The following MTSS1 variants were observed in gnomAD, a reference collection of about 807,000 sequenced individuals.
The protein encoded by MTSS1 is MTSS I-BAR domain containing 1.
Under a neutral mutation model 79.0 loss-of-function variants are expected in MTSS1, and 18 were observed. The ratio of observed to expected loss-of-function variants is 0.23; its 90% CI spans 0.16 to 0.34. The LOEUF (loss-of-function observed/expected upper bound fraction) is 0.34, where lower values mean the gene tolerates loss of function less well. Among genes scored for constraint, MTSS1 ranks in the 10% least tolerant of loss-of-function variants. The pLI is 1.00. For synonymous variants in MTSS1, 341 were observed against 368.6 expected (o/e 0.93, Z 0.86); for missense variants, 815 against 986.2 (o/e 0.83, Z 2.33).
At chr8:124,674,215 G>A (rs1161908170) in intron 3 of MTSS1, among the ~76,000 whole-genome samples, 1 of 152,070 alleles carries the variant, frequency 6.6e-6, no homozygotes, top group East Asian at 1.9e-4. Flanking sequence ...ACTGCAACTA[G>A]GTTTTGAATT....
At chr8:124,590,554 C>T (rs1415045522) in intron 4 of MTSS1, among the ~76,000 whole-genome samples, 1 of 152,178 alleles carries the variant, frequency 6.6e-6, no homozygotes, top group Non-Finnish European at 1.5e-5. Context: ...TGAAGGTGTG[C>T]CCCTTCATTT....
rs199980301 is a variant in MTSS1, at chr8:124,555,944, G to T, written c.1405-40C>A. The T allele has an allele frequency of 1.2e-3, 1,779 of 1,522,916 alleles. 18 individuals are homozygous for T. The African/African-American group carries it at 0.023, about 20-fold the overall frequency. 94.3% of individuals were successfully genotyped at this position (1,522,916 alleles called of 1,614,324 possible). On this transcript the variant is annotated intron_variant, in intron 12 of 13. Coordinates refer to ENST00000518547, the MANE Select transcript of MTSS1 (RefSeq NM_014751.6). ...AGAGAAATACACAGGTTGCTTTAGG[G>T]GGGGGGCTCAACAGCACTCCTGTTC...
At chr8:124,711,368 A>C (rs901069081) in intron 1 of MTSS1, among the ~76,000 whole-genome samples, 1 of 152,168 alleles carries the variant, frequency 6.6e-6, no homozygotes, top group Non-Finnish European at 1.5e-5. Context: ...CTGTTATTTT[A>C]GAGCTGAGGA....
At chr8:124,693,327 G>C (rs1466131292) in intron 3 of MTSS1, among the ~76,000 whole-genome samples, 1 of 152,156 alleles carries the variant, frequency 6.6e-6, no homozygotes, top group East Asian at 1.9e-4. Context: ...TACCTCAATG[G>C]AGAGCAACAT....
chr8:124,644,402 A>T (rs959902473), intron 3 of MTSS1, among the ~76,000 whole-genome samples: 195 of 152,356 alleles, frequency 1.3e-3, no homozygotes, highest in African/African-American at 4.1e-3. Context: ...TTTCTAATTA[A>T]TGAGTTTCTT....
At chr8:124,584,353 C>T (rs1303802695) in intron 6 of MTSS1, among the ~76,000 whole-genome samples, 1 of 152,210 alleles carries the variant, frequency 6.6e-6, no homozygotes, top group Non-Finnish European at 1.5e-5. Flanking sequence ...GAAGAATAGA[C>T]TGGAAGGAAT....
chr8:124,668,373 G>C (rs73343997), intron 3 of MTSS1, among the ~76,000 whole-genome samples: 4,251 of 152,268 alleles, frequency 0.028, 191 homozygotes, highest in African/African-American at 0.096. Flanking sequence ...CCAACAGACA[G>C]ACAAAGCCAG....
At chr8:124,558,639 G>T in intron 10 of MTSS1, 1 of 1,448,198 alleles carries the variant, frequency 6.9e-7, no homozygotes, top group South Asian at 1.4e-5. Context: ...TGCCGCGGCT[G>T]TGAGGGCTGT....
intron 3 of MTSS1, among the ~76,000 whole-genome samples, chr8:124,610,593 T>C (rs1184898447): frequency 6.6e-6 from 1 of 152,206 alleles, no homozygotes; most frequent in Non-Finnish European, 1.5e-5. Context: ...TAGTTTCACA[T>C]GACACCAGAA....
intron 3 of MTSS1, among the ~76,000 whole-genome samples, chr8:124,598,181 G>A (rs1833097520): frequency 6.6e-6 from 1 of 152,118 alleles, no homozygotes; most frequent in Non-Finnish European, 1.5e-5. Context: ...TGCAGTCCCA[G>A]CCACTCAGGA....
At chr8:124,628,484 G>A (rs1815195122) in intron 3 of MTSS1, among the ~76,000 whole-genome samples, 1 of 152,046 alleles carries the variant, frequency 6.6e-6, no homozygotes, top group African/African-American at 2.4e-5. Flanking sequence ...TCTGTCTTCT[G>A]CTCCCCACGG....
chr8:124,584,592 A>G (rs144228098), intron 6 of MTSS1, among the ~76,000 whole-genome samples: 13 of 152,298 alleles, frequency 8.5e-5, no homozygotes, highest in Non-Finnish European at 1.8e-4. Flanking sequence ...TAGATTATCA[A>G]GCTCCTCCCT....
intron 3 of MTSS1, among the ~76,000 whole-genome samples, chr8:124,679,015 T>C (rs1825739132): frequency 6.6e-6 from 1 of 152,224 alleles, no homozygotes; most frequent in South Asian, 2.1e-4. Context: ...AGGAGATCCT[T>C]GGCATTCGAA....
chr8:124,724,461 C>T (rs755272398), intron 1 of MTSS1, among the ~76,000 whole-genome samples: 30 of 152,130 alleles, frequency 2.0e-4, no homozygotes, highest in South Asian at 2.1e-4. Context: ...GGTTGTCTTG[C>T]GCCAGTCACA....
chr8:124,631,108 C>T (rs535243184), intron 3 of MTSS1, among the ~76,000 whole-genome samples: 2 of 152,296 alleles, frequency 1.3e-5, no homozygotes, highest in South Asian at 2.1e-4. Context: ...CCTGAGGATT[C>T]GCCCTTGAGC....
At chr8:124,557,913 AAATT>A (rs1192283390) in intron 10 of MTSS1, 38 bp from the exon 11 acceptor site, 3 of 1,487,316 alleles carry the variant, frequency 2.0e-6, no homozygotes, top group African/African-American at 2.8e-5. Flanking sequence ...GAAGGAAAAA[AAATT>A]AATATAACAG....
intron 3 of MTSS1, among the ~76,000 whole-genome samples, chr8:124,671,038 C>CT (rs2134644853): frequency 1.2e-5 from 1 of 81,920 alleles, no homozygotes; most frequent in East Asian, 3.4e-4. Context: ...GAACATTTTT[C>CT]TTTTTTCTTT....
At chr8:124,670,413 G>GCGGCACCCCACACAGCCTGA in intron 3 of MTSS1, among the ~76,000 whole-genome samples, 1 of 151,476 alleles carries the variant, frequency 6.6e-6, no homozygotes, top group African/African-American at 2.4e-5. Flanking sequence ...ACACAGCCTG[G>GCGGCACCCCACACAGCCTGA]CGGCACCCCA....
chr8:124,562,676 G>C, intron 10 of MTSS1, 106 bp downstream of exon 10: 1 of 1,072,332 alleles, frequency 9.3e-7, no homozygotes, highest in Non-Finnish European at 1.4e-6. Context: ...TCTCAAGTCA[G>C]TGGGCAGGGG....
Sources: allele counts gnomAD v4.1 joint callset (sites outside exome capture counted in the v4.1 genomes callset), GRCh38; gene constraint gnomAD v4.1.1; transcripts MANE v1.5; gene names NCBI Gene and HGNC (gene_info 2026-07-23, HGNC 2026-07-21).